Variants in CNTN6 observed in about 807,000 individuals in gnomAD.
CNTN6 encodes the protein contactin-6.
A neutral mutation model predicts 122.8 loss-of-function variants in CNTN6; 137 were observed. That is an observed-to-expected ratio of 1.12 (90% CI 0.97 to 1.29). The LOEUF is 1.29. Ranked by LOEUF, CNTN6 falls within the 50% of genes most tolerant of loss-of-function variation. The probability of loss-of-function intolerance (pLI) is 0.00; values close to 1 mark genes in which losing one functional copy is unlikely to be tolerated. For synonymous variants in CNTN6, 570 were observed against 426.0 expected, an observed-to-expected ratio of 1.34 and a Z score of -4.16; for missense variants, 1,634 against 1,223.4, an observed-to-expected ratio of 1.34 and a Z score of -5.01.
chr3:1,231,936 T>C (rs1299563457), intron 4 of CNTN6, among the ~76,000 whole-genome samples: 1 of 152,230 alleles, frequency 6.6e-6, no homozygotes, highest in Non-Finnish European at 1.5e-5. Flanking sequence ...TCAATTTCTT[T>C]TATTTATCAA....
Position 1,220,733 on chromosome 3 carries a change from T to A in CNTN6, c.102T>A (p.Asp34Glu), listed in dbSNP as rs1311454240. Reference sequence around the variant, plus strand: ...CTATTTTTACTCAGGAGCCACATGATGTCATTTTTCCTTTGGATTTATCAA... The same window carrying A: ...CTATTTTTACTCAGGAGCCACATGAAGTCATTTTTCCTTTGGATTTATCAA... ...SRPIFTQEPH[D>E]VIFPLDLSKS... The change falls in exon 3 of 23, where the codon GAT (aspartate) becomes GAA (glutamate). Residue 34 changes from aspartate (D) to glutamate (E), a missense_variant. Transcript: ENST00000446702. 22 of 1,613,612 alleles carry A rather than the reference T, an allele frequency of 1.4e-5. No individual in the cohort carries two copies. Among genetic ancestry groups the A allele is most frequent in the Non-Finnish European group, 1.9e-5 (22 of 1,179,720 alleles).
At chr3:1,255,949 T>A (rs1352053129) in intron 4 of CNTN6, among the ~76,000 whole-genome samples, 2 of 151,980 alleles carry the variant, frequency 1.3e-5, no homozygotes, top group Non-Finnish European at 2.9e-5. Flanking sequence ...CTAACCACAA[T>A]GGGGATCCAC....
intron 20 of CNTN6, among the ~76,000 whole-genome samples, chr3:1,399,651 C>A (rs897614112): frequency 6.6e-6 from 1 of 152,096 alleles, no homozygotes; most frequent in African/African-American, 2.4e-5. Flanking sequence ...CTGCCCAGAG[C>A]CCAGTGCATA....
intron 1 of CNTN6, among the ~76,000 whole-genome samples, chr3:1,146,009 A>AT (rs34126542): frequency 0.56 from 84,706 of 151,200 alleles, 23,944 homozygotes; most frequent in South Asian, 0.65. Flanking sequence ...CAGAGATCCA[A>AT]TTTTTTTTTA....
chr3:1,395,935 T>G (rs777996789), intron 20 of CNTN6, among the ~76,000 whole-genome samples: 12 of 152,108 alleles, frequency 7.9e-5, no homozygotes, highest in Non-Finnish European at 1.6e-4. Context: ...GAGCATGAAA[T>G]CTCTTCATCC....
Position 1,384,152 on chromosome 3 carries a change from C to T in CNTN6, c.2517+744C>T, listed in dbSNP as rs573780686. 3.3e-5 allele frequency among the ~76,000 whole-genome samples: 5 copies of T among 152,300 alleles called. No homozygotes were observed. In the South Asian group the frequency reaches 1.0e-3, roughly 32 times the overall value. On this transcript the variant is annotated intron_variant, in intron 19 of 22. Coordinates refer to ENST00000446702, the MANE Select transcript of CNTN6 (RefSeq NM_001289080.2). ...TCTAAAGATCTGCTGTACAACTGTG[C>T]ACACAGAGTCAACAATTATGCATTG...
chr3:1,209,126 G>A (rs949019981), intron 2 of CNTN6, among the ~76,000 whole-genome samples: 6 of 152,048 alleles, frequency 3.9e-5, no homozygotes, highest in East Asian at 1.9e-4. Flanking sequence ...CTTCCAATAT[G>A]GCATATACAT....
chr3:1,391,674 A>C (rs1387783411), intron 20 of CNTN6, among the ~76,000 whole-genome samples: 17 of 151,180 alleles, frequency 1.1e-4, no homozygotes, highest in Admixed American at 1.1e-3. Context: ...TCAGCCCAAA[A>C]TCTCCTTAAG....
At chr3:1,160,215 C>G (rs2093092717) in intron 2 of CNTN6, among the ~76,000 whole-genome samples, 1 of 151,708 alleles carries the variant, frequency 6.6e-6, no homozygotes, top group Admixed American at 6.6e-5. Context: ...ATAAATTCAA[C>G]CTACCCATGT....
At chr3:1,114,641 G>GCCCTTTTTACAAGGCCA (rs565234961) in intron 1 of CNTN6, among the ~76,000 whole-genome samples, 135 of 152,240 alleles carry the variant, frequency 8.9e-4, no homozygotes, top group Admixed American at 2.3e-3. Flanking sequence ...TAAAATGGTA[G>GCCCTTTTTACAAGGCCA]ACCAGAAAAG....
At chr3:1,390,661 A>G (rs1693989237) in intron 20 of CNTN6, among the ~76,000 whole-genome samples, 4 of 152,218 alleles carry the variant, frequency 2.6e-5, no homozygotes, top group Admixed American at 2.6e-4. Context: ...ATAGACCGCT[A>G]GCAAGACTAA....
intron 4 of CNTN6, among the ~76,000 whole-genome samples, chr3:1,271,148 G>T (rs532007737): frequency 1.6e-4 from 24 of 152,302 alleles, no homozygotes; most frequent in Non-Finnish European, 3.2e-4. Context: ...AAATTGCTGG[G>T]ATTACAGGCT....
intron 1 of CNTN6, among the ~76,000 whole-genome samples, chr3:1,118,159 G>A (rs1470348780): frequency 2.6e-5 from 4 of 152,100 alleles, no homozygotes; most frequent in Non-Finnish European, 4.4e-5. Flanking sequence ...GCCAGCATAC[G>A]AGGAAAGTTC....
intron 20 of CNTN6, 43 bp downstream of exon 20, chr3:1,385,840 G>C: frequency 6.6e-7 from 1 of 1,510,090 alleles, no homozygotes; most frequent in East Asian, 2.4e-5. Context: ...CATCTGTGAA[G>C]AGCAACCTAT....
chr3:1,377,792 C>T (rs936365800), intron 17 of CNTN6, among the ~76,000 whole-genome samples: 1 of 152,112 alleles, frequency 6.6e-6, no homozygotes, highest in African/African-American at 2.4e-5. Flanking sequence ...TTCTCCAGAG[C>T]TGTAGAAGGT....
intron 1 of CNTN6, among the ~76,000 whole-genome samples, chr3:1,096,245 T>A (rs755808699): frequency 6.6e-5 from 10 of 151,960 alleles, no homozygotes; most frequent in Non-Finnish European, 1.5e-4. Flanking sequence ...GCCTACATGA[T>A]TCTTTTGTTG....
chr3:1,171,292 T>C (rs2125296068), intron 2 of CNTN6, among the ~76,000 whole-genome samples: 1 of 152,304 alleles, frequency 6.6e-6, no homozygotes, highest in South Asian at 2.1e-4. Context: ...AGCAAAGAAA[T>C]AATATGTGTA....
At chr3:1,142,229 C>T (rs956673947) in intron 1 of CNTN6, among the ~76,000 whole-genome samples, 1 of 140,714 alleles carries the variant, frequency 7.1e-6, no homozygotes, top group East Asian at 2.0e-4. Context: ...AAAAAAAAAA[C>T]ATGATTATTC....
Position 1,220,670 on chromosome 3 carries a change from T to C in CNTN6, c.56-17T>C, listed in dbSNP as rs1327361570. On this transcript the variant is annotated splice_polypyrimidine_tract_variant and intron_variant, in intron 2 of 22. Coordinates refer to ENST00000446702, the MANE Select transcript of CNTN6 (RefSeq NM_001289080.2). ...GGCCACTTTTTTTTCATGTGATTTA[T>C]TCTTTTCTTTTCCCAGGTGATGGTC... 9.4e-6 allele frequency: 15 copies of C among 1,595,016 alleles called. No homozygotes were observed. The highest frequency in any genetic ancestry group is 1.3e-5 in the Non-Finnish European group (15 of 1,173,062).
Sources: gnomAD v4.1 joint callset for allele counts (sites outside exome capture counted in the v4.1 genomes callset) on GRCh38, gnomAD v4.1.1 for gene constraint, MANE v1.5 for transcripts, NCBI Gene and HGNC (gene_info 2026-07-23, HGNC 2026-07-21) for gene names.